Variants in COG3 observed in about 807,000 individuals in gnomAD.
COG3 encodes component of oligomeric golgi complex 3.
In COG3, 32 loss-of-function variants were observed where a neutral mutation model predicts 114.1. The ratio of observed to expected loss-of-function variants is 0.28; its 90% CI spans 0.21 to 0.38. COG3 has a LOEUF of 0.38. COG3 is among the 10% of genes least tolerant of loss of function. COG3 has a pLI of 1.00. For missense variants in COG3, 813 were observed against 973.2 expected (o/e 0.84, Z 2.19); for synonymous variants, 352 against 365.7 (o/e 0.96, Z 0.43).
intron 8 of COG3, among the ~76,000 whole-genome samples, chr13:45,489,621 G>A (rs1886900983): frequency 1.3e-5 from 2 of 152,064 alleles, no homozygotes; most frequent in African/African-American, 4.8e-5. Context: ...GTGACAAAAA[G>A]CATAAAATAC....
At chr13:45,532,652 C>T (rs3014896) in intron 22 of COG3, among the ~76,000 whole-genome samples, 47,886 of 147,288 alleles carry the variant, frequency 0.33, 8,398 homozygotes, top group Middle Eastern at 0.53. Flanking sequence ...TCACTGCAAG[C>T]TCCGCCTCCC....
chr13:45,520,249 C>T (rs1029642486), intron 19 of COG3, among the ~76,000 whole-genome samples: 4 of 149,828 alleles, frequency 2.7e-5, no homozygotes, highest in African/African-American at 9.9e-5. Flanking sequence ...GATCATCCTA[C>T]TGCAGTCCAG....
chr13:45,501,507 A>G, intron 13 of COG3, among the ~76,000 whole-genome samples: 1 of 152,186 alleles, frequency 6.6e-6, no homozygotes, highest in East Asian at 1.9e-4. Flanking sequence ...TCATTTATGT[A>G]GATTTTTTAT....
chr13:45,496,174 A>C lies in COG3; in HGVS notation c.1350A>C (p.Ala450=), dbSNP rs765955864. The part of the protein sequence containing the change: ...QNNAEQLGAF[A]AGVKQMLEDV... ...CAGCTGAGCAACTGGGGGCATTTGC[A>C]GCTGGAGTCAAGCAGATGTTAGAAG... is the stretch of plus-strand genomic sequence containing the variant. Residue 450 remains alanine, a synonymous_variant, in exon 13 of 23, where the codon GCA becomes GCC. Transcript: ENST00000349995. 6.8e-6 allele frequency: 11 copies of C among 1,609,588 alleles called. 1 individual carries two copies. In the South Asian group the frequency reaches 1.2e-4, roughly 18 times the overall value.
chr13:45,479,082 G>C lies in COG3; in HGVS notation c.383+16G>C. 6.4e-7 allele frequency: 1 copy of C among 1,564,332 alleles called. No homozygotes were observed. The highest frequency in any genetic ancestry group is 8.7e-7 in the Non-Finnish European group (1 of 1,146,680). ...CTAAATATAGGTATGTGTGTCTCTT[G>C]CATTTGTTGAATATCTTAATTTTTA... On this transcript the variant is annotated intron_variant, in intron 3 of 22. Transcript: ENST00000349995.
At chr13:45,472,102 C>T (rs1885545973) in intron 1 of COG3, among the ~76,000 whole-genome samples, 1 of 152,094 alleles carries the variant, frequency 6.6e-6, no homozygotes, top group Admixed American at 6.6e-5. Context: ...AGGTGTAGAA[C>T]TCTGAGTTGA....
intron 14 of COG3, among the ~76,000 whole-genome samples, chr13:45,508,068 T>TAAGAAAA (rs1870384819): frequency 3.1e-5 from 1 of 32,258 alleles, no homozygotes; most frequent in African/African-American, 1.3e-4. Context: ...AGGTCCAACC[T>TAAGAAAA]AAAAAAAAAA....
chr13:45,525,633 G>GTTTTTTTTTTTT (rs1566273037), intron 20 of COG3, among the ~76,000 whole-genome samples: 7 of 13,928 alleles, frequency 5.0e-4, no homozygotes, highest in East Asian at 6.0e-3. Flanking sequence ...GAGGGCTTTG[G>GTTTTTTTTTTTT]GTTTTTTTTT....
rs1873473144 is a variant in COG3, at chr13:45,535,233, A to G, written c.*502A>G. On this transcript the variant is annotated 3_prime_UTR_variant, in exon 23 of 23. Transcript: ENST00000349995. ...GTTTCTCCTGTCATTTTTGAAGTTG[A>G]GTTTGGAGTAGATTGGTTGCTTCTG... The G allele has an allele frequency of 1.0e-6, 1 of 985,296 alleles. No individual in the cohort carries two copies. The highest frequency in any genetic ancestry group is 1.2e-6 in the Non-Finnish European group (1 of 830,006). 61.0% of individuals were successfully genotyped at this position (985,296 alleles called of 1,614,324 possible). A position where few individuals can be genotyped will look rare whatever the true frequency, so the allele number is the denominator to read the frequency against.
rs59577529 is a variant in COG3 at position 45,525,634 on chromosome 13, GTT to G, written c.2230+600_2230+601del. ...ATTTTTTTGTGCTGGAGGGCTTTGG[GTT>G]TTTTTTTTTTTTTTTTGGTCTTTAG... On this transcript the variant is annotated intron_variant, in intron 20 of 22. Transcript: ENST00000349995. 3.5e-3 allele frequency among the ~76,000 whole-genome samples: 198 copies of G among 56,670 alleles called. 4 individuals are homozygous for G. Among genetic ancestry groups the G allele is most frequent in the Middle Eastern group, 0.017 (1 of 60 alleles). 37.2% of individuals were successfully genotyped at this position (56,670 alleles called of 152,430 possible).
chr13:45,498,877 G>T (rs995964050), intron 13 of COG3, among the ~76,000 whole-genome samples: 2 of 148,666 alleles, frequency 1.3e-5, no homozygotes, highest in Non-Finnish European at 3.0e-5. Flanking sequence ...TTTTTTCTTG[G>T]TCAATCTAGA....
At chr13:45,476,748 A>G (rs2137789399) in intron 2 of COG3, among the ~76,000 whole-genome samples, 1 of 152,222 alleles carries the variant, frequency 6.6e-6, no homozygotes, top group African/African-American at 2.4e-5. Context: ...TAACATTTGT[A>G]GTTATTTTTC....
chr13:45,484,115 AGCTT>A (rs1270161813), intron 7 of COG3, among the ~76,000 whole-genome samples: 1 of 152,232 alleles, frequency 6.6e-6, no homozygotes, highest in Non-Finnish European at 1.5e-5. Context: ...TTGGTTTTTA[AGCTT>A]GCTTTCTAAA....
intron 13 of COG3, among the ~76,000 whole-genome samples, chr13:45,496,832 C>T (rs1041387345): frequency 1.3e-5 from 2 of 151,904 alleles, no homozygotes; most frequent in African/African-American, 4.8e-5. Context: ...CGCCACCACA[C>T]CCGGCTAATT....
rs1036679111 is a variant in COG3, at chr13:45,534,735, G to A, written c.*4G>A. Reference sequence around the variant, plus strand: ...TCTGCTGTTGGTTTCTAAATAAGCAGGCCAGCCGGGCTGTGCACCTAAATG... The same window carrying A: ...TCTGCTGTTGGTTTCTAAATAAGCAAGCCAGCCGGGCTGTGCACCTAAATG... On this transcript the variant is annotated 3_prime_UTR_variant, in exon 23 of 23. Coordinates refer to ENST00000349995, the MANE Select transcript of COG3 (RefSeq NM_031431.4). 3.2e-6 allele frequency: 5 copies of A among 1,559,748 alleles called. No individual in the cohort carries two copies. Among genetic ancestry groups the A allele is most frequent in the African/African-American group, 1.4e-5 (1 of 73,730 alleles).
intron 16 of COG3, among the ~76,000 whole-genome samples, chr13:45,512,749 T>A (rs1871008739): frequency 6.6e-6 from 1 of 151,968 alleles, no homozygotes; most frequent in Non-Finnish European, 1.5e-5. Context: ...TGCTTCAGCT[T>A]CCTGAGCAAC....
At position 45,480,218 on chromosome 13, in the gene COG3, G is replaced by A; in HGVS notation, c.477G>A (p.Gln159=). The stretch of plus-strand genomic sequence containing the variant: ...CTCTTCAGCATCTGGAGTCTTTGCA[G>A]AAACAGTATCTTTTTGTGTCCAATA... ...NSALQHLESL[Q]KQYLFVSNKT... The change falls in exon 4 of 23, where the codon CAG becomes CAA. Residue 159 remains glutamine (Q), a synonymous_variant. Transcript: ENST00000349995. 1 of 1,613,922 alleles carries A rather than the reference G, an allele frequency of 6.2e-7. No homozygotes were observed. Among genetic ancestry groups the A allele is most frequent in the South Asian group, 1.1e-5 (1 of 91,080 alleles).
In COG3 at chr13:45,530,668, T is replaced by C. The variant is rs371834795; in HGVS notation, c.2359-14T>C. 81 of 1,481,160 alleles carry C rather than the reference T, an allele frequency of 5.5e-5. No homozygotes were observed. The highest frequency in any genetic ancestry group is 6.6e-5 in the Non-Finnish European group (70 of 1,059,216). 91.8% of individuals were successfully genotyped at this position (1,481,160 alleles called of 1,614,324 possible). A position where few individuals can be genotyped will look rare whatever the true frequency, so the allele number is the denominator to read the frequency against. ...ACAACTCATTTGATAAGATCTCCTC[T>C]CCTCCTTTCTAAGAATAATATTCAG... On this transcript the variant is annotated splice_polypyrimidine_tract_variant and intron_variant, in intron 21 of 22. Coordinates refer to ENST00000349995, the MANE Select transcript of COG3 (RefSeq NM_031431.4).
Position 45,535,981 on chromosome 13 carries a change from C to T in COG3, c.*1250C>T, listed in dbSNP as rs1482587018. On this transcript the variant is annotated 3_prime_UTR_variant, in exon 23 of 23. Coordinates refer to ENST00000349995, the MANE Select transcript of COG3 (RefSeq NM_031431.4). Reference sequence around the variant, plus strand: ...CTTTTGGTGCAGTGGGTGCCTGTAACTCATTAGACGTACTGAGGCAGCACT... The same window carrying T: ...CTTTTGGTGCAGTGGGTGCCTGTAATTCATTAGACGTACTGAGGCAGCACT... 1.9e-6 allele frequency: 1 copy of T among 519,494 alleles called. No individual in the cohort carries two copies. The highest frequency in any genetic ancestry group is 2.1e-5 in the African/African-American group (1 of 48,212). 32.2% of individuals were successfully genotyped at this position (519,494 alleles called of 1,614,324 possible). A position where few individuals can be genotyped will look rare whatever the true frequency, so the allele number is the denominator to read the frequency against.
Sources: allele counts gnomAD v4.1 joint callset (sites outside exome capture counted in the v4.1 genomes callset), GRCh38; gene constraint gnomAD v4.1.1; transcripts MANE v1.5; gene names NCBI Gene and HGNC (gene_info 2026-07-23, HGNC 2026-07-21).